ADIRF: variants seen among roughly 807,000 people sequenced by gnomAD.
ADIRF encodes the protein adipogenesis factor rich in obesity.
A neutral mutation model predicts 7.8 loss-of-function variants in ADIRF; 9 were observed. The ratio of observed to expected loss-of-function variants is 1.15; its 90% CI spans 0.70 to 2.01. The LOEUF is 2.01. ADIRF is among the 30% of genes most tolerant of loss of function. The probability of loss-of-function intolerance (pLI) is 0.00; values close to 1 mark genes in which losing one functional copy is unlikely to be tolerated. For synonymous variants in ADIRF, 48 were observed against 39.9 expected (o/e 1.20, Z -0.77); for missense variants, 106 against 98.1 (o/e 1.08, Z -0.34).
At chr10:86,968,815 C>T in intron 1 of ADIRF, 1 of 539,164 alleles carries the variant, frequency 1.9e-6, no homozygotes, top group Non-Finnish European at 3.2e-6. Flanking sequence ...ACAGAGGCTC[C>T]GGAGGAGCCG....
At position 86,970,542 on chromosome 10, in the gene ADIRF, CCTT is replaced by C; in HGVS notation, c.194_196del (p.Phe65del). On this transcript the variant is annotated inframe_deletion, in exon 3 of 3. Coordinates refer to ENST00000372013, the MANE Select transcript of ADIRF (RefSeq NM_006829.3). The stretch of plus-strand genomic sequence containing the variant: ...AAGACTGCTAACCAGGCCTCTGACA[CCTT>C]CTCTGGGATTGGGAAAAAATTCGGC... 6.2e-7 allele frequency: 1 copy of C among 1,613,544 alleles called. No homozygotes were observed. Among genetic ancestry groups the C allele is most frequent in the Non-Finnish European group, 8.5e-7 (1 of 1,179,796 alleles).
intron 1 of ADIRF, 29 bp from the exon 2 acceptor site, chr10:86,970,171 G>A: frequency 7.0e-7 from 1 of 1,432,026 alleles, no homozygotes; most frequent in East Asian, 2.5e-5. Flanking sequence ...GCCTCAACAG[G>A]GGCTAAAAGC....
Position 86,970,549 on chromosome 10 carries a change from T to A in ADIRF, c.198T>A (p.Ser66=). The change falls in exon 3 of 3, where the codon TCT becomes TCA. Residue 66 remains serine (S), a synonymous_variant. Coordinates refer to ENST00000372013, the MANE Select transcript of ADIRF (RefSeq NM_006829.3). The stretch of plus-strand genomic sequence containing the variant: ...CTAACCAGGCCTCTGACACCTTCTC[T>A]GGGATTGGGAAAAAATTCGGCCTCC... ...KTANQASDTF[S]GIGKKFGLLK 6.2e-7 allele frequency: 1 copy of A among 1,613,240 alleles called. No individual in the cohort carries two copies. The highest frequency in any genetic ancestry group is 8.5e-7 in the Non-Finnish European group (1 of 1,179,678).
At chr10:86,968,866 C>G (rs1368196025) in intron 1 of ADIRF, 1 of 457,008 alleles carries the variant, frequency 2.2e-6, no homozygotes, top group African/African-American at 2.1e-5. Flanking sequence ...TCCAAGGAGG[C>G]CATGCTGGCG....
rs1388667613 is a variant in ADIRF at position 86,968,625 on chromosome 10, TAGGGCTCAGGC to T, written c.61+25_61+35del. 1.2e-6 allele frequency: 2 copies of T among 1,609,960 alleles called. No homozygotes were observed. Among genetic ancestry groups the T allele is most frequent in the Admixed American group, 1.7e-5 (1 of 59,530 alleles). On this transcript the variant is annotated intron_variant, in intron 1 of 2. Coordinates refer to ENST00000372013, the MANE Select transcript of ADIRF (RefSeq NM_006829.3). ...AAGCCGGTGAGGATAGCGCGCGACCTAGGGCTCAGGCAGGGGCACCTGCGTGGATGCGCAGG... is the reference window on the plus strand; with the variant it reads ...AAGCCGGTGAGGATAGCGCGCGACCTAGGGGCACCTGCGTGGATGCGCAGG...
chr10:86,968,793 G>A (rs1172018853), intron 1 of ADIRF, 188 bp downstream of exon 1: 1 of 609,796 alleles, frequency 1.6e-6, no homozygotes, highest in Non-Finnish European at 2.7e-6. Context: ...GTGCCCGCAG[G>A]GAGGCAGCGG....
intron 2 of ADIRF, 67 bp from the exon 3 acceptor site, chr10:86,970,409 G>A: frequency 6.5e-7 from 1 of 1,532,932 alleles, no homozygotes; most frequent in Non-Finnish European, 8.9e-7. Context: ...CCCAGGCCAG[G>A]CTAAGCCTAC....
At chr10:86,970,444 C>A (rs1199564061) in intron 2 of ADIRF, 32 bp from the exon 3 acceptor site, 3 of 1,590,034 alleles carry the variant, frequency 1.9e-6, no homozygotes, top group Non-Finnish European at 2.6e-6. Flanking sequence ...CCGGGCCCTG[C>A]CTGACCTGCC....
chr10:86,968,651 G>C, intron 1 of ADIRF, 46 bp downstream of exon 1: 1 of 1,589,656 alleles, frequency 6.3e-7, no homozygotes, highest in South Asian at 1.1e-5. Context: ...GCACCTGCGT[G>C]GATGCGCAGG....
In ADIRF at chr10:86,970,567, C is replaced by G; in HGVS notation, c.216C>G (p.Phe72Leu). 1 of 1,610,200 alleles carries G rather than the reference C, an allele frequency of 6.2e-7. No homozygotes were observed. Among genetic ancestry groups the G allele is most frequent in the Non-Finnish European group, 8.5e-7 (1 of 1,177,542 alleles). ...SDTFSGIGKKFGLLK is the reference protein window; with the variant it reads ...SDTFSGIGKKLGLLK The stretch of plus-strand genomic sequence containing the variant: ...CCTTCTCTGGGATTGGGAAAAAATT[C>G]GGCCTCCTGAAATGACAGCAGGGAG... Residue 72 changes from phenylalanine (F) to leucine (L), a missense_variant, in exon 3 of 3, where the codon TTC becomes TTG. Coordinates refer to ENST00000372013, the MANE Select transcript of ADIRF (RefSeq NM_006829.3).
chr10:86,968,643 A>G (rs1269947986), intron 1 of ADIRF, 38 bp downstream of exon 1: 1 of 1,596,384 alleles, frequency 6.3e-7, no homozygotes, highest in Admixed American at 1.8e-5. Flanking sequence ...AGGCAGGGGC[A>G]CCTGCGTGGA....
chr10:86,968,638 G>A (rs1193218424), intron 1 of ADIRF, 33 bp downstream of exon 1: 5 of 1,601,674 alleles, frequency 3.1e-6, no homozygotes, highest in Non-Finnish European at 4.3e-6. Context: ...GGCTCAGGCA[G>A]GGGCACCTGC....
At chr10:86,970,086 C>A (rs1844554500) in intron 1 of ADIRF, 114 bp from the exon 2 acceptor site, 1 of 1,015,044 alleles carries the variant, frequency 9.9e-7, no homozygotes, top group African/African-American at 1.6e-5. Context: ...TGGCATCCAT[C>A]CCTTGGACCT....
intron 1 of ADIRF, chr10:86,969,474 G>A (rs1439847246): frequency 6.6e-6 from 1 of 152,292 alleles, no homozygotes; most frequent in Admixed American, 6.5e-5. Context: ...CCGGAGGATG[G>A]GATCTGGGTA....
chr10:86,969,100 C>G (rs1844529638), intron 1 of ADIRF: 1 of 159,210 alleles, frequency 6.3e-6, no homozygotes. Context: ...GCTCTCTCCT[C>G]CGTATTCTGG....
chr10:86,969,960 C>T, intron 1 of ADIRF: 1 of 346,732 alleles, frequency 2.9e-6, no homozygotes, highest in Admixed American at 4.6e-5. Context: ...GAAAGGGAAG[C>T]TCCTCCCCCA....
rs935293922 is a variant in ADIRF at position 86,970,325 on chromosome 10, G to A, written c.124+63G>A. On this transcript the variant is annotated intron_variant, in intron 2 of 2. Coordinates refer to ENST00000372013, the MANE Select transcript of ADIRF (RefSeq NM_006829.3). ...CACCTCCCACTCCCCGCCCCATCCCGGCTGGGGCCCAGGCACATCCTCTCC... is the reference window on the plus strand; with the variant it reads ...CACCTCCCACTCCCCGCCCCATCCCAGCTGGGGCCCAGGCACATCCTCTCC... 5.3e-6 allele frequency: 8 copies of A among 1,511,762 alleles called. No individual in the cohort carries two copies. The African/African-American group carries it at 9.7e-5, about 18-fold the overall frequency. The allele number at this position is 1,511,762 out of a possible 1,614,324, so 93.6% of individuals were successfully genotyped here.
At chr10:86,969,467 G>A (rs977276708) in intron 1 of ADIRF, 4 of 152,286 alleles carry the variant, frequency 2.6e-5, no homozygotes, top group Admixed American at 1.3e-4. Context: ...ACCCTTTCCG[G>A]AGGATGGGAT....
intron 1 of ADIRF, chr10:86,968,820 G>A: frequency 1.9e-6 from 1 of 539,546 alleles, no homozygotes; most frequent in South Asian, 2.6e-5. Flanking sequence ...GGCTCCGGAG[G>A]AGCCGGAGCT....
Sources: allele counts gnomAD v4.1 joint callset, GRCh38; gene constraint gnomAD v4.1.1; transcripts MANE v1.5; gene names NCBI Gene and HGNC (gene_info 2026-07-23, HGNC 2026-07-21).